Variants in PCDH20 observed in about 807,000 individuals in gnomAD.
PCDH20 encodes protocadherin-20.
PCDH20 carries 18 observed loss-of-function variants against 39.7 expected under a neutral mutation model. The ratio of observed to expected loss-of-function variants is 0.45; its 90% CI spans 0.31 to 0.67. The LOEUF is 0.67. PCDH20 is among the 30% of genes least tolerant of loss of function. PCDH20 has a pLI of 0.05. For missense variants in PCDH20, 1,161 were observed against 1,167.4 expected, an observed-to-expected ratio of 0.99 and a Z score of 0.08; for synonymous variants, 495 against 455.4, an observed-to-expected ratio of 1.09 and a Z score of -1.11.
exon 2 of PCDH20, chr13:61,413,294 T>C (rs770798160): frequency 6.2e-7 from 1 of 1,613,442 alleles, no homozygotes; most frequent in South Asian, 1.1e-5. Context: ...AGGTAGGGGG[T>C]GCGCTCCCCA....
chr13:61,413,453 C>A, exon 2 of PCDH20: 1 of 1,614,036 alleles, frequency 6.2e-7, no homozygotes, highest in Non-Finnish European at 8.5e-7. Context: ...GGGACCCACA[C>A]CGAGATCTGG....
exon 2 of PCDH20, chr13:61,413,090 T>C: frequency 6.2e-7 from 1 of 1,614,132 alleles, no homozygotes; most frequent in Non-Finnish European, 8.5e-7. Flanking sequence ...GCAATTGGGG[T>C]GCCCACTGTA....
intron 1 of PCDH20, among the ~76,000 whole-genome samples, chr13:61,414,712 G>A (rs1030635474): frequency 6.6e-6 from 1 of 152,144 alleles, no homozygotes; most frequent in African/African-American, 2.4e-5. Context: ...ATTGCAGTAG[G>A]CATTCATAGC....
rs771367526 is a variant in PCDH20 at position 61,412,806 on chromosome 13, T to A, written c.1293A>T (p.Ile431=). 20 of 1,613,972 alleles carry A rather than the reference T, an allele frequency of 1.2e-5. No individual in the cohort carries two copies. In the East Asian group the frequency reaches 4.2e-4, roughly 34 times the overall value. The change falls in exon 2 of 2, where the codon ATA becomes ATT. Residue 431 remains isoleucine (I), a synonymous_variant. Transcript: ENST00000409204. ...AAACCACACCATCTATCTCGTTTGC[T>A]ATGTAACGAGGGACAATTTCAGGGG...
In PCDH20 at chr13:61,415,183, G is replaced by A. The variant is rs774885318; in HGVS notation, c.-25C>T. The A allele has an allele frequency of 4.3e-6, 6 of 1,383,026 alleles. No homozygotes were observed. In the South Asian group the frequency reaches 7.9e-5, roughly 18 times the overall value. The allele number at this position is 1,383,026 out of a possible 1,614,324, so 85.7% of individuals were successfully genotyped here. A position where few individuals can be genotyped will look rare whatever the true frequency, so the allele number is the denominator to read the frequency against. ...TTCCCTGGGAGGCTGCAGTCAGAGCGCTCTTGAAGGGAGGGCGGCAGAAGA... is the reference window on the plus strand; with the variant it reads ...TTCCCTGGGAGGCTGCAGTCAGAGCACTCTTGAAGGGAGGGCGGCAGAAGA... On this transcript the variant is annotated 5_prime_UTR_variant, in exon 1 of 2. Coordinates refer to ENST00000409204, the Ensembl canonical transcript of PCDH20.
At chr13:61,413,161 A>G (rs1317949364) in exon 2 of PCDH20, 13 of 1,614,030 alleles carry the variant, frequency 8.1e-6, no homozygotes, top group Non-Finnish European at 1.1e-5. Flanking sequence ...ATTGTCATTA[A>G]TGTCACTGAT....
At chr13:61,412,708 T>C in exon 2 of PCDH20, 1 of 1,614,208 alleles carries the variant, frequency 6.2e-7, no homozygotes, top group Non-Finnish European at 8.5e-7. Flanking sequence ...GCAGTTAACC[T>C]TGTATTTACC....
At position 61,414,433 on chromosome 13, in the gene PCDH20, C is replaced by T. The variant is rs538406702; in HGVS notation, c.133-467G>A. 1.3e-3 allele frequency among the ~76,000 whole-genome samples: 199 copies of T among 152,176 alleles called. 1 individual carries two copies. The highest frequency in any genetic ancestry group is 2.3e-3 in the Non-Finnish European group (157 of 68,022). ...ATTCTGCCATTAGAGTGCTGGAACA[C>T]GCAGTGTGTTACATCCCTTACTAAG... On this transcript the variant is annotated intron_variant, in intron 1 of 1. Transcript: ENST00000409204.
exon 2 of PCDH20, chr13:61,413,497 T>C: frequency 1.2e-6 from 2 of 1,613,698 alleles, no homozygotes; most frequent in Non-Finnish European, 1.7e-6. Context: ...GTCATTGATG[T>C]CTCTGATGGC....
chr13:61,410,231 G>C (rs1182121832), exon 2 of PCDH20: 1 of 151,948 alleles, frequency 6.6e-6, no homozygotes, highest in Non-Finnish European at 1.5e-5. Context: ...TCATATAAAA[G>C]GCCCAACTAA....
At position 61,415,233 on chromosome 13, in the gene PCDH20, C is replaced by A; in HGVS notation, c.-75G>T. The A allele has an allele frequency of 4.7e-6, 6 of 1,284,374 alleles. No homozygotes were observed. In the South Asian group the frequency reaches 1.2e-4, roughly 25 times the overall value. The allele number at this position is 1,284,374 out of a possible 1,614,324, so 79.6% of individuals were successfully genotyped here. ...ACACTCCCTCTCGGTTCATGCAAAT[C>A]GCTGGGGGAACTTCAGCCAATAGTC... On this transcript the variant is annotated 5_prime_UTR_variant, in exon 1 of 2. Coordinates refer to ENST00000409204, the Ensembl canonical transcript of PCDH20.
chr13:61,413,835 G>A (rs758326600), exon 2 of PCDH20: 7 of 1,612,904 alleles, frequency 4.3e-6, no homozygotes, highest in Non-Finnish European at 5.9e-6. Context: ...GCAGCCGCAG[G>A]TCCTCGGCCA....
Position 61,413,836 on chromosome 13 carries a change from TC to T in PCDH20, c.262del (p.Asp88ThrfsTer39). 6.2e-7 allele frequency: 1 copy of T among 1,612,588 alleles called. No individual in the cohort carries two copies. Among genetic ancestry groups the T allele is most frequent in the Non-Finnish European group, 8.5e-7 (1 of 1,179,636 alleles). On this transcript the variant is annotated frameshift_variant, in exon 2 of 2. Coordinates refer to ENST00000409204, the Ensembl canonical transcript of PCDH20. LOFTEE classifies it high-confidence loss of function. The stretch of plus-strand genomic sequence containing the variant: ...TGCAGACCTGGGCAGCAGCCGCAGG[TC>T]CTCGGCCAGGCTGCCGATGAGCACC...
intron 1 of PCDH20, among the ~76,000 whole-genome samples, chr13:61,414,374 C>T (rs890369320): frequency 6.6e-6 from 1 of 152,100 alleles, no homozygotes; most frequent in Non-Finnish European, 1.5e-5. Flanking sequence ...GTAGAGAGCA[C>T]TGAAAGGTGG....
At chr13:61,414,163 T>G (rs2138021089) in intron 1 of PCDH20, among the ~76,000 whole-genome samples, 197 bp from the exon 2 acceptor site, 1 of 152,088 alleles carries the variant, frequency 6.6e-6, no homozygotes, top group Middle Eastern at 3.4e-3. Flanking sequence ...AAACTTAATT[T>G]TGCTGTTCAC....
exon 2 of PCDH20, chr13:61,409,920 T>G (rs966014690): frequency 2.6e-5 from 4 of 152,074 alleles, no homozygotes; most frequent in Non-Finnish European, 2.9e-5. Flanking sequence ...TACAGATGCA[T>G]GATGCCAAAA....
exon 2 of PCDH20, chr13:61,412,458 G>A (rs757746928): frequency 2.5e-6 from 4 of 1,614,128 alleles, no homozygotes; most frequent in Non-Finnish European, 3.4e-6. Context: ...TGGGTGAGTT[G>A]TTCTCTTCGA....
At chr13:61,414,052 C>T in intron 1 of PCDH20, 86 bp from the exon 2 acceptor site, 1 of 1,224,912 alleles carries the variant, frequency 8.2e-7, no homozygotes, top group Non-Finnish European at 1.1e-6. Context: ...GTGATCCTTG[C>T]TGTCCCCATC....
At position 61,414,018 on chromosome 13, in the gene PCDH20, T is replaced by G. The variant is rs763216758; in HGVS notation, c.133-52A>C. 2.7e-6 allele frequency: 4 copies of G among 1,473,812 alleles called. No homozygotes were observed. The South Asian group carries it at 5.2e-5, about 19-fold the overall frequency. The allele number at this position is 1,473,812 out of a possible 1,614,324, so 91.3% of individuals were successfully genotyped here. ...CATTACACACACGGGGAAATAGGGG[T>G]CCGAGAGAGAAACTAGCGCCCCTGT... is the stretch of plus-strand genomic sequence containing the variant. On this transcript the variant is annotated intron_variant, in intron 1 of 1. Transcript: ENST00000409204.
Sources: gnomAD v4.1 joint callset for allele counts (sites outside exome capture counted in the v4.1 genomes callset) on GRCh38, gnomAD v4.1.1 for gene constraint, MANE v1.5 for transcripts, NCBI Gene and HGNC (gene_info 2026-07-23, HGNC 2026-07-21) for gene names.